Variants in SH2B1 observed in about 807,000 individuals in gnomAD.
SH2B1 encodes SH2B adapter protein 1.
In SH2B1, 15 loss-of-function variants were observed where a neutral mutation model predicts 62.6. That is an observed-to-expected ratio of 0.24 (90% CI 0.16 to 0.37). SH2B1 has a LOEUF of 0.37. Among genes scored for constraint, SH2B1 ranks in the 10% least tolerant of loss-of-function variants. SH2B1 has a pLI of 1.00. For synonymous variants in SH2B1, 443 were observed against 438.0 expected (o/e 1.01, Z -0.14); for missense variants, 925 against 1,015.6 (o/e 0.91, Z 1.21).
chr16:28,867,258 G>C (rs973503428), intron 1 of SH2B1, 73 bp from the exon 2 acceptor site: 45 of 1,320,734 alleles, frequency 3.4e-5, no homozygotes, highest in Non-Finnish European at 4.5e-5. Context: ...AAGGAAAGAT[G>C]AATGTCTGGA....
rs1962557487 is a variant in SH2B1 at position 28,864,172 on chromosome 16, T to C, written c.-1923T>C. The C allele has an allele frequency of 2.8e-5, 30 of 1,087,762 alleles. No homozygotes were observed. Among genetic ancestry groups the C allele is most frequent in the Non-Finnish European group, 3.4e-5 (30 of 892,476 alleles). The allele number at this position is 1,087,762 out of a possible 1,614,324, so 67.4% of individuals were successfully genotyped here. Reference sequence around the variant, plus strand: ...GGGAGTAGGGTCGGATCGGAGTATATGGACCACCGGGCCCGGAGGGTCCGA... The same window carrying C: ...GGGAGTAGGGTCGGATCGGAGTATACGGACCACCGGGCCCGGAGGGTCCGA... On this transcript the variant is annotated 5_prime_UTR_variant, in exon 1 of 8. An upstream start codon of the reference 5' UTR is lost. Coordinates refer to ENST00000684370, the MANE Select transcript of SH2B1 (RefSeq NM_001387430.1).
In SH2B1 at chr16:28,872,080, G is replaced by C; in HGVS notation, c.1513+97G>C. The C allele has an allele frequency of 7.4e-7, 1 of 1,358,584 alleles. No homozygotes were observed. Among genetic ancestry groups the C allele is most frequent in the South Asian group, 1.2e-5 (1 of 84,014 alleles). 84.2% of individuals were successfully genotyped at this position (1,358,584 alleles called of 1,614,324 possible). On this transcript the variant is annotated intron_variant, in intron 5 of 7. Transcript: ENST00000684370. The surrounding 1 kb of genome is among the most constrained non-coding windows in gnomAD (Gnocchi z 5.3). ...CGAGGGAGCTGGCCCAGGGGAGTTG[G>C]GGACGCATGTGGGGAGCAGGCGCCT...
chr16:28,870,205 G>T (rs910257064), intron 4 of SH2B1, among the ~76,000 whole-genome samples: 2 of 152,232 alleles, frequency 1.3e-5, no homozygotes, highest in Admixed American at 1.3e-4. Flanking sequence ...TGCATACCTG[G>T]CCCTGCTCTG....
At chr16:28,871,685 CACA>C in intron 4 of SH2B1, 92 bp from the exon 5 acceptor site, 1 of 1,007,004 alleles carries the variant, frequency 9.9e-7, no homozygotes, top group Non-Finnish European at 1.6e-6. Context: ...CCAGCGACTG[CACA>C]CAGGGTAGAC....
chr16:28,851,243 C>A (rs1962092515), intron 1 of SH2B1, among the ~76,000 whole-genome samples: 1 of 151,566 alleles, frequency 6.6e-6, no homozygotes, highest in Admixed American at 6.6e-5. Flanking sequence ...CCTTATACAT[C>A]TGAACGTGGG....
chr16:28,857,929 G>T (rs1264174369), intron 1 of SH2B1, among the ~76,000 whole-genome samples: 2 of 151,876 alleles, frequency 1.3e-5, no homozygotes, highest in Admixed American at 6.6e-5. Context: ...TTAGTAGAGA[G>T]GGGGTTTCAC....
intron 1 of SH2B1, among the ~76,000 whole-genome samples, chr16:28,851,340 C>G (rs1045405790): frequency 2.6e-5 from 4 of 152,014 alleles, no homozygotes; most frequent in African/African-American, 9.7e-5. Context: ...TGTGACCCCA[C>G]GTTTTACTAT....
intron 1 of SH2B1, among the ~76,000 whole-genome samples, chr16:28,852,486 A>ATATATT (rs1962154816): frequency 1.0e-4 from 5 of 48,258 alleles, no homozygotes; most frequent in Non-Finnish European, 1.6e-4. Context: ...ATATTTATAT[A>ATATATT]TACATACATA....
At chr16:28,853,602 A>G (rs1596611984) in intron 1 of SH2B1, among the ~76,000 whole-genome samples, 1 of 133,058 alleles carries the variant, frequency 7.5e-6, no homozygotes, top group Non-Finnish European at 1.6e-5. Context: ...CAATCCTCCC[A>G]CTTTAGCTTC....
upstream of SH2B1, chr16:28,863,698 G>C: frequency 6.5e-7 from 1 of 1,535,820 alleles, no homozygotes; most frequent in Non-Finnish European, 8.7e-7. Flanking sequence ...GAAGCCCTAC[G>C]AGATTCACAC....
chr16:28,864,309 A>G lies in SH2B1; in HGVS notation c.-1786A>G. On this transcript the variant is annotated 5_prime_UTR_variant, in exon 1 of 8. Coordinates refer to ENST00000684370, the MANE Select transcript of SH2B1 (RefSeq NM_001387430.1). ...GTCTGAGTCCTGCTTGGCAGAAGAG[A>G]AACTGAGTCACCAGCTTAGGAGTCG... 9.1e-6 allele frequency: 9 copies of G among 993,984 alleles called. No homozygotes were observed. Among genetic ancestry groups the G allele is most frequent in the Non-Finnish European group, 1.1e-5 (9 of 835,058 alleles). 61.6% of individuals were successfully genotyped at this position (993,984 alleles called of 1,614,324 possible).
At chr16:28,859,713 A>C (rs1274599440), upstream of SH2B1, among the ~76,000 whole-genome samples, 1 of 151,980 alleles carries the variant, frequency 6.6e-6, no homozygotes. Context: ...GTATCAGGAA[A>C]AAAAAAAAGA....
rs1458774568 is a variant in SH2B1 at position 28,864,155 on chromosome 16, G to A, written c.-1940G>A. 6 of 1,161,018 alleles carry A rather than the reference G, an allele frequency of 5.2e-6. No individual in the cohort carries two copies. The highest frequency in any genetic ancestry group is 6.4e-6 in the Non-Finnish European group (6 of 935,634). 71.9% of individuals were successfully genotyped at this position (1,161,018 alleles called of 1,614,324 possible). On this transcript the variant is annotated 5_prime_UTR_variant, in exon 1 of 8. Transcript: ENST00000684370. ...CGGCTGGGGGGTGTCCAGGGAGTAG[G>A]GTCGGATCGGAGTATATGGACCACC...
At chr16:28,852,386 A>G (rs1329706514) in intron 1 of SH2B1, among the ~76,000 whole-genome samples, 1 of 66,138 alleles carries the variant, frequency 1.5e-5, no homozygotes, top group Admixed American at 2.5e-4. Flanking sequence ...ACATATATTT[A>G]TATATATACA....
intron 2 of SH2B1, 38 bp from the exon 3 acceptor site, chr16:28,868,968 G>T: frequency 1.3e-6 from 2 of 1,508,398 alleles, no homozygotes; most frequent in Non-Finnish European, 9.2e-7. Context: ...CCTCCTCCCT[G>T]CCCCTGCCCC....
At chr16:28,855,507 C>A (rs899959267) in intron 1 of SH2B1, among the ~76,000 whole-genome samples, 1 of 152,168 alleles carries the variant, frequency 6.6e-6, no homozygotes, top group Non-Finnish European at 1.5e-5. Context: ...AGGCATGAGC[C>A]ACCGCGCCCG....
At chr16:28,867,620 T>C (rs1567468550) in intron 2 of SH2B1, among the ~76,000 whole-genome samples, 188 bp downstream of exon 2, 1 of 152,212 alleles carries the variant, frequency 6.6e-6, no homozygotes, top group Non-Finnish European at 1.5e-5. Flanking sequence ...TCAAAAACAA[T>C]GCCTCCACTT....
At chr16:28,871,251 C>T (rs959385241) in intron 4 of SH2B1, among the ~76,000 whole-genome samples, 10 of 152,286 alleles carry the variant, frequency 6.6e-5, no homozygotes, top group Middle Eastern at 6.8e-3. Context: ...CTCCTAAGCT[C>T]AAGTGATCCT....
intron 1 of SH2B1, 139 bp from the exon 2 acceptor site, chr16:28,867,192 G>C (rs1239710827): frequency 4.9e-6 from 6 of 1,233,138 alleles, no homozygotes; most frequent in African/African-American, 1.5e-5. Flanking sequence ...TAGCAGCTGC[G>C]GGCAGGACTG....
Sources: gnomAD v4.1 joint callset for allele counts (sites outside exome capture counted in the v4.1 genomes callset) on GRCh38, gnomAD v4.1.1 for gene constraint, Gnocchi (gnomAD v3.1) non-coding constraint, MANE v1.5 for transcripts, NCBI Gene and HGNC (gene_info 2026-07-23, HGNC 2026-07-21) for gene names.